CNTNAP2: variants seen among roughly 807,000 people sequenced by gnomAD.
CNTNAP2 encodes contactin-associated protein-like 2.
Under a neutral mutation model 155.2 loss-of-function variants are expected in CNTNAP2, and 98 were observed. The ratio of observed to expected loss-of-function variants is 0.63; its 90% CI spans 0.54 to 0.75. The LOEUF is 0.75. Among genes scored for constraint, CNTNAP2 ranks in the 30% least tolerant of loss-of-function variants. The pLI is 0.00. For synonymous variants in CNTNAP2, 651 were observed against 631.2 expected, an observed-to-expected ratio of 1.03 and a Z score of -0.47; for missense variants, 1,727 against 1,688.1, an observed-to-expected ratio of 1.02 and a Z score of -0.40.
chr7:147,961,062 G>A (rs974374212), intron 14 of CNTNAP2, among the ~76,000 whole-genome samples: 1 of 152,026 alleles, frequency 6.6e-6, no homozygotes, highest in African/African-American at 2.4e-5. Flanking sequence ...TCTGAATCGA[G>A]TATCTTTTGA....
intron 11 of CNTNAP2, among the ~76,000 whole-genome samples, chr7:147,510,992 C>T (rs1484338297): frequency 1.3e-5 from 2 of 150,840 alleles, no homozygotes; most frequent in African/African-American, 4.9e-5. Flanking sequence ...ATCAGTGATT[C>T]TTAAATTATA....
chr7:146,428,902 T>G lies in CNTNAP2; in HGVS notation c.97+311929T>G, dbSNP rs151056385. ...GTTTGGGGTCTTATATTTTAGTATT[T>G]AATCTCTCTTGGGTTAATTTTTCTA... On this transcript the variant is annotated intron_variant, in intron 1 of 23. Coordinates refer to ENST00000361727, the MANE Select transcript of CNTNAP2 (RefSeq NM_014141.6). Among the ~76,000 whole-genome samples, 624 of 152,282 alleles carry G rather than the reference T, an allele frequency of 4.1e-3. 6 individuals carry two copies. The highest frequency in any genetic ancestry group is 0.014 in the African/African-American group (572 of 41,576).
intron 11 of CNTNAP2, among the ~76,000 whole-genome samples, chr7:147,515,239 A>G (rs928111675): frequency 2.6e-5 from 4 of 151,938 alleles, no homozygotes; most frequent in African/African-American, 9.7e-5. Context: ...CCACCTTAAC[A>G]ACCATATTTA....
intron 1 of CNTNAP2, among the ~76,000 whole-genome samples, chr7:146,468,145 A>G (rs1796742179): frequency 1.3e-5 from 2 of 152,176 alleles, no homozygotes. Flanking sequence ...AGTACATCAA[A>G]ATTATCTCAA....
At chr7:146,805,496 G>C (rs956235414) in intron 2 of CNTNAP2, among the ~76,000 whole-genome samples, 1 of 152,060 alleles carries the variant, frequency 6.6e-6, no homozygotes, top group African/African-American at 2.4e-5. Flanking sequence ...CACTAGCCTG[G>C]GAGCAGGATC....
intron 1 of CNTNAP2, among the ~76,000 whole-genome samples, chr7:146,626,647 T>C (rs1799424325): frequency 6.6e-6 from 1 of 152,020 alleles, no homozygotes; most frequent in African/African-American, 2.4e-5. Flanking sequence ...TTACACAAAA[T>C]ACATCAACTC....
intron 15 of CNTNAP2, among the ~76,000 whole-genome samples, chr7:148,046,239 C>A (rs1411580386): frequency 6.6e-6 from 1 of 152,078 alleles, no homozygotes; most frequent in Non-Finnish European, 1.5e-5. Flanking sequence ...AGCCATTGTG[C>A]CCAGCCAGTA....
rs574241842 is a variant in CNTNAP2 at position 147,654,123 on chromosome 7, C to T, written c.2098+14817C>T. 4.7e-4 allele frequency among the ~76,000 whole-genome samples: 71 copies of T among 152,114 alleles called. 1 individual carries two copies. The highest frequency in any genetic ancestry group is 8.2e-4 in the Non-Finnish European group (56 of 67,982). On this transcript the variant is annotated intron_variant, in intron 13 of 23. Coordinates refer to ENST00000361727, the MANE Select transcript of CNTNAP2 (RefSeq NM_014141.6). ...TTAATGAAATGGTATCAACCAAAGC[C>T]GAGAAAAAGTGTGTACCTCCTAAAT... is the stretch of plus-strand genomic sequence containing the variant.
At position 147,840,889 on chromosome 7, in the gene CNTNAP2, A is replaced by G. The variant is rs562936488; in HGVS notation, c.2099-62676A>G. On this transcript the variant is annotated intron_variant, in intron 13 of 23. Coordinates refer to ENST00000361727, the MANE Select transcript of CNTNAP2 (RefSeq NM_014141.6). The stretch of plus-strand genomic sequence containing the variant: ...ATCCACTTGGAAATTAGCCCTCATG[A>G]CTTTATGAAAAAAAAAATCAAACCC... Among the ~76,000 whole-genome samples, 6 of 152,120 alleles carry G rather than the reference A, an allele frequency of 3.9e-5. No individual in the cohort carries two copies. In the East Asian group the frequency reaches 1.2e-3, roughly 30 times the overall value.
At chr7:146,539,990 AG>A (rs1396391027) in intron 1 of CNTNAP2, among the ~76,000 whole-genome samples, 5 of 152,186 alleles carry the variant, frequency 3.3e-5, no homozygotes, top group Admixed American at 1.3e-4. Context: ...AAGTCAGAGG[AG>A]GGTGTTTACA....
At chr7:146,355,040 A>G (rs1176376586) in intron 1 of CNTNAP2, among the ~76,000 whole-genome samples, 2 of 152,182 alleles carry the variant, frequency 1.3e-5, no homozygotes, top group Non-Finnish European at 2.9e-5. Flanking sequence ...GTATAACAGG[A>G]GTCTCAGAGG....
chr7:147,394,795 G>C (rs1796782417), intron 9 of CNTNAP2, among the ~76,000 whole-genome samples: 1 of 142,314 alleles, frequency 7.0e-6, no homozygotes, highest in African/African-American at 2.7e-5. Context: ...TTTCCTAATA[G>C]AATCAACAGT....
chr7:146,481,171 T>A (rs1796955875), intron 1 of CNTNAP2, among the ~76,000 whole-genome samples: 1 of 152,204 alleles, frequency 6.6e-6, no homozygotes, highest in Non-Finnish European at 1.5e-5. Context: ...ATTGGTATAT[T>A]GTAGCTCATT....
chr7:146,738,250 A>C (rs113921815), intron 1 of CNTNAP2, among the ~76,000 whole-genome samples: 314 of 152,014 alleles, frequency 2.1e-3, no homozygotes, highest in African/African-American at 7.1e-3. Flanking sequence ...ATTTGCATTT[A>C]TCTGATAATA....
At chr7:147,152,495 G>T (rs1287638701) in intron 8 of CNTNAP2, among the ~76,000 whole-genome samples, 1 of 152,026 alleles carries the variant, frequency 6.6e-6, no homozygotes, top group Non-Finnish European at 1.5e-5. Flanking sequence ...AGTGTGAAAT[G>T]ATTAGGAGGG....
intron 13 of CNTNAP2, among the ~76,000 whole-genome samples, chr7:147,847,846 A>G (rs1334206678): frequency 4.1e-5 from 4 of 97,538 alleles, no homozygotes; most frequent in Admixed American, 2.5e-4. Context: ...GTCTGTTGGA[A>G]TACCCTGCCG....
intron 4 of CNTNAP2, among the ~76,000 whole-genome samples, chr7:147,106,638 T>C (rs1037182898): frequency 2.0e-5 from 3 of 152,200 alleles, no homozygotes; most frequent in Non-Finnish European, 4.4e-5. Context: ...GCATAAATAT[T>C]TGAGATACTA....
chr7:146,608,650 G>C (rs937050222), intron 1 of CNTNAP2, among the ~76,000 whole-genome samples: 8 of 151,982 alleles, frequency 5.3e-5, no homozygotes, highest in African/African-American at 1.9e-4. Context: ...TTGTCTTTTT[G>C]TGCTACTAAA....
chr7:147,711,852 G>T lies in CNTNAP2; in HGVS notation c.2098+72546G>T, dbSNP rs867171647. On this transcript the variant is annotated intron_variant, in intron 13 of 23. Coordinates refer to ENST00000361727, the MANE Select transcript of CNTNAP2 (RefSeq NM_014141.6). ...GTGTGGGACCATGGCTTCTTTCCCT[G>T]TATGCTGGGGACACTACTTCAGAAT... Among the ~76,000 whole-genome samples, 37 of 152,140 alleles carry T rather than the reference G, an allele frequency of 2.4e-4. 1 individual carries two copies. Among genetic ancestry groups the T allele is most frequent in the Admixed American group, 5.9e-4 (9 of 15,278 alleles).
Sources: allele counts gnomAD v4.1 joint callset (sites outside exome capture counted in the v4.1 genomes callset), GRCh38; gene constraint gnomAD v4.1.1; transcripts MANE v1.5; gene names NCBI Gene and HGNC (gene_info 2026-07-23, HGNC 2026-07-21).